Variants in CMIP observed in about 807,000 individuals in gnomAD.
CMIP encodes c-Maf inducing protein, also known as C-Maf-inducing protein.
A neutral mutation model predicts 97.3 loss-of-function variants in CMIP; 13 were observed. That is an observed-to-expected ratio of 0.13 (90% confidence interval 0.09 to 0.21). CMIP has a LOEUF of 0.21. Ranked by LOEUF, CMIP falls within the 10% of genes least tolerant of loss-of-function variation. The pLI is 1.00. For synonymous variants in CMIP, 538 were observed against 436.3 expected (o/e 1.23, Z -2.91); for missense variants, 847 against 1,024.9 (o/e 0.83, Z 2.37).
chr16:81,560,457 A>T (rs1234617983), intron 1 of CMIP, among the ~76,000 whole-genome samples: 1 of 152,204 alleles, frequency 6.6e-6, no homozygotes, highest in East Asian at 1.9e-4. Flanking sequence ...TGACCTCGTG[A>T]TCCGCCCGCC....
intron 1 of CMIP, among the ~76,000 whole-genome samples, chr16:81,524,425 G>C (rs1222236299): frequency 6.6e-6 from 1 of 152,264 alleles, no homozygotes; most frequent in Non-Finnish European, 1.5e-5. Context: ...GTCCTAGACA[G>C]GTGACCTTGG....
chr16:81,553,043 G>T (rs2090689817), intron 1 of CMIP, among the ~76,000 whole-genome samples: 1 of 152,214 alleles, frequency 6.6e-6, no homozygotes, highest in Admixed American at 6.5e-5. Context: ...GGATTGAGGA[G>T]GAGTTAGGGA....
intron 1 of CMIP, among the ~76,000 whole-genome samples, chr16:81,541,630 G>C (rs1451186728): frequency 6.6e-6 from 1 of 152,220 alleles, no homozygotes; most frequent in African/African-American, 2.4e-5. Flanking sequence ...GAGAACGGCT[G>C]TCTTTATGAA....
chr16:81,575,924 A>C (rs2091181139), intron 1 of CMIP, among the ~76,000 whole-genome samples: 1 of 152,126 alleles, frequency 6.6e-6, no homozygotes, highest in Admixed American at 6.5e-5. Flanking sequence ...GACTGGCTAA[A>C]CTGTAAGACT....
At chr16:81,544,420 G>C (rs961675157) in intron 1 of CMIP, among the ~76,000 whole-genome samples, 2 of 144,420 alleles carry the variant, frequency 1.4e-5, no homozygotes, top group African/African-American at 5.5e-5. Flanking sequence ...CTCATCCTCA[G>C]GGGGTAAGTG....
intron 1 of CMIP, among the ~76,000 whole-genome samples, chr16:81,586,539 C>G (rs750838160): frequency 1.3e-5 from 2 of 152,128 alleles, no homozygotes; most frequent in Non-Finnish European, 2.9e-5. Flanking sequence ...CCTCAGTGAT[C>G]CGGTGTAACT....
chr16:81,566,182 G>C (rs1036901932), intron 1 of CMIP, among the ~76,000 whole-genome samples: 1 of 152,212 alleles, frequency 6.6e-6, no homozygotes. Context: ...CAAGAAGGAG[G>C]GTGCGCCGGT....
In CMIP at chr16:81,445,215, C is replaced by A. The variant is rs1303855614; in HGVS notation, c.-27C>A. Reference sequence around the variant, plus strand: ...AGCCCAGGACAGCCCCCTCTCCCCGCCCCCAGCCCCCTCCCCCGGCGCGGC... The same window carrying A: ...AGCCCAGGACAGCCCCCTCTCCCCGACCCCAGCCCCCTCCCCCGGCGCGGC... On this transcript the variant is annotated 5_prime_UTR_variant, in exon 1 of 21. Coordinates refer to ENST00000537098, the MANE Select transcript of CMIP (RefSeq NM_198390.3). 2.0e-6 allele frequency: 3 copies of A among 1,466,166 alleles called. No homozygotes were observed. The highest frequency in any genetic ancestry group is 2.2e-5 in the Admixed American group (1 of 46,380). The allele number at this position is 1,466,166 out of a possible 1,614,324, so 90.8% of individuals were successfully genotyped here.
intron 1 of CMIP, among the ~76,000 whole-genome samples, chr16:81,547,856 C>T (rs1415401671): frequency 6.6e-6 from 1 of 152,146 alleles, no homozygotes; most frequent in Non-Finnish European, 1.5e-5. Context: ...CAGCTTGTGC[C>T]CCAGGGCCAG....
In CMIP at chr16:81,678,904, G is replaced by A. The variant is rs188497462; in HGVS notation, c.1388+276G>A. On this transcript the variant is annotated intron_variant, in intron 10 of 20. Transcript: ENST00000537098. Reference sequence around the variant, plus strand: ...GCATATGGTGTGTGTATATACACACGTGGGGTGCATGCATGGCTTTGTACC... The same window carrying A: ...GCATATGGTGTGTGTATATACACACATGGGGTGCATGCATGGCTTTGTACC... 1.2e-4 allele frequency among the ~76,000 whole-genome samples: 19 copies of A among 152,396 alleles called. No homozygotes were observed. The East Asian group carries it at 3.3e-3, about 26-fold the overall frequency.
rs116382236 is a variant in CMIP, at chr16:81,678,697, G to A, written c.1388+69G>A. 1.9e-3 allele frequency: 1,391 copies of A among 731,554 alleles called. 27 individuals carry two copies. The African/African-American group carries it at 0.021, about 11-fold the overall frequency. The allele number at this position is 731,554 out of a possible 1,614,324, so 45.3% of individuals were successfully genotyped here. A position where few individuals can be genotyped will look rare whatever the true frequency, so the allele number is the denominator to read the frequency against. On this transcript the variant is annotated intron_variant, in intron 10 of 20. Transcript: ENST00000537098. ...GAGACTGGGCTTTGCTGCTGGGTGCGGCTGTGTTTGTTGGTTCGAGCTACG... is the reference window on the plus strand; with the variant it reads ...GAGACTGGGCTTTGCTGCTGGGTGCAGCTGTGTTTGTTGGTTCGAGCTACG...
chr16:81,523,929 C>G (rs764094428), intron 1 of CMIP, among the ~76,000 whole-genome samples: 1 of 152,256 alleles, frequency 6.6e-6, no homozygotes, highest in Non-Finnish European at 1.5e-5. Context: ...ACCGGCAGAA[C>G]TTTGCAGCTC....
chr16:81,626,934 G>A (rs1440366643), intron 3 of CMIP, among the ~76,000 whole-genome samples: 2 of 149,300 alleles, frequency 1.3e-5, no homozygotes, highest in African/African-American at 4.9e-5. Flanking sequence ...TTGTGTATGT[G>A]TGGTGTGTGG....
chr16:81,497,248 A>C (rs1471213383), intron 1 of CMIP, among the ~76,000 whole-genome samples: 1 of 152,204 alleles, frequency 6.6e-6, no homozygotes, highest in East Asian at 1.9e-4. Context: ...TTATGAGAAC[A>C]GCTGTCACTT....
At chr16:81,539,954 C>T (rs182425611) in intron 1 of CMIP, among the ~76,000 whole-genome samples, 20 of 152,334 alleles carry the variant, frequency 1.3e-4, no homozygotes, top group Admixed American at 1.1e-3. Flanking sequence ...CAGCCCTGAG[C>T]ACTGGGCCTG....
Position 81,662,192 on chromosome 16 carries a change from A to G in CMIP, c.744+1246A>G, listed in dbSNP as rs546165216. 1.8e-3 allele frequency among the ~76,000 whole-genome samples: 277 copies of G among 152,224 alleles called. 1 individual carries two copies. The highest frequency in any genetic ancestry group is 6.3e-3 in the African/African-American group (260 of 41,530). ...GATCACCTCCTCCATCTCCTGTCCAATTTAACCCAAACCTGCCCCATGCTT... is the reference window on the plus strand; with the variant it reads ...GATCACCTCCTCCATCTCCTGTCCAGTTTAACCCAAACCTGCCCCATGCTT... On this transcript the variant is annotated intron_variant, in intron 6 of 20. Transcript: ENST00000537098.
intron 1 of CMIP, among the ~76,000 whole-genome samples, chr16:81,597,610 C>T (rs886935991): frequency 6.6e-6 from 1 of 151,100 alleles, no homozygotes; most frequent in African/African-American, 2.4e-5. Context: ...GGGGGAGTCT[C>T]CCAGCCTGGA....
chr16:81,617,986 C>T (rs566486717), intron 2 of CMIP, among the ~76,000 whole-genome samples: 14 of 152,268 alleles, frequency 9.2e-5, no homozygotes, highest in African/African-American at 3.1e-4. Flanking sequence ...TTGGCCGTTC[C>T]GTCCAGCCGG....
rs142732749 is a variant in CMIP, at chr16:81,647,493, C to A, written c.478-4710C>A. 4.8e-3 allele frequency among the ~76,000 whole-genome samples: 731 copies of A among 152,272 alleles called. 3 individuals are homozygous for A. Among genetic ancestry groups the A allele is most frequent in the Middle Eastern group, 0.027 (8 of 294 alleles). On this transcript the variant is annotated intron_variant, in intron 3 of 20. Coordinates refer to ENST00000537098, the MANE Select transcript of CMIP (RefSeq NM_198390.3). ...AAGTCAGCCCCTTTCTGTGAAAACA[C>A]CAGGTCGTGTGCCCAGCCACAGAAC...
Sources: gnomAD v4.1 joint callset for allele counts (sites outside exome capture counted in the v4.1 genomes callset) on GRCh38, gnomAD v4.1.1 for gene constraint, MANE v1.5 for transcripts, NCBI Gene and HGNC (gene_info 2026-07-23, HGNC 2026-07-21) for gene names.